The following DLGAP1 variants were observed in gnomAD, a reference collection of about 807,000 sequenced individuals.
The protein encoded by DLGAP1 is DLG associated protein 1, also known as disks large-associated protein 1.
Under a neutral mutation model 90.8 loss-of-function variants are expected in DLGAP1, and 11 were observed. That is an observed-to-expected ratio of 0.12 (90% CI 0.08 to 0.20). The LOEUF is 0.20. Ranked by LOEUF, DLGAP1 falls within the 10% of genes least tolerant of loss-of-function variation. The probability of loss-of-function intolerance (pLI) is 1.00; values close to 1 mark genes in which losing one functional copy is unlikely to be tolerated. For synonymous variants in DLGAP1, 558 were observed against 540.7 expected (o/e 1.03, Z -0.44); for missense variants, 1,050 against 1,333.8 (o/e 0.79, Z 3.31).
intron 7 of DLGAP1, among the ~76,000 whole-genome samples, chr18:3,715,522 T>C (rs1335747751): frequency 6.6e-6 from 1 of 152,220 alleles, no homozygotes; most frequent in Non-Finnish European, 1.5e-5. Flanking sequence ...TCAATATCAC[T>C]TTCTCTCTGA....
Position 3,499,490 on chromosome 18 carries a change from ACCT to A in DLGAP1, c.2725-99_2725-97del. 1 of 1,313,912 alleles carries A rather than the reference ACCT, an allele frequency of 7.6e-7. No individual in the cohort carries two copies. Among genetic ancestry groups the A allele is most frequent in the Non-Finnish European group, 1.0e-6 (1 of 954,108 alleles). 81.4% of individuals were successfully genotyped at this position (1,313,912 alleles called of 1,614,324 possible). On this transcript the variant is annotated intron_variant, in intron 12 of 12. Coordinates refer to ENST00000315677, the MANE Select transcript of DLGAP1 (RefSeq NM_004746.4). The surrounding 1 kb of genome is among the most constrained non-coding windows in gnomAD (Gnocchi z 6.4). ...CAGTAGTTAGAACACACAGTTTTTT[ACCT>A]AGGGGTGGTTAGTTCTGATCTGCAC... is the stretch of plus-strand genomic sequence containing the variant.
chr18:4,196,731 G>A (rs113362894), intron 1 of DLGAP1, among the ~76,000 whole-genome samples: 1 of 152,146 alleles, frequency 6.6e-6, no homozygotes, highest in African/African-American at 2.4e-5. Context: ...TTCTGGCTTT[G>A]TTATGTGTAT....
intron 1 of DLGAP1, among the ~76,000 whole-genome samples, chr18:4,321,185 T>A (rs2080677288): frequency 6.6e-6 from 1 of 152,196 alleles, no homozygotes; most frequent in Admixed American, 6.5e-5. Context: ...GCACCTAATG[T>A]TCACTGTAAA....
At chr18:4,439,175 C>G (rs1444433599) in intron 1 of DLGAP1, among the ~76,000 whole-genome samples, 2 of 152,204 alleles carry the variant, frequency 1.3e-5, no homozygotes, top group African/African-American at 2.4e-5. Flanking sequence ...TGGGTTTAAT[C>G]CTACCCATCC....
At chr18:3,576,239 G>A (rs1314724163) in intron 8 of DLGAP1, among the ~76,000 whole-genome samples, 1 of 151,414 alleles carries the variant, frequency 6.6e-6, no homozygotes, top group Non-Finnish European at 1.5e-5. Context: ...TGTGAAGGTA[G>A]CTATGGCTCC....
At chr18:3,984,679 C>T (rs916888001) in intron 3 of DLGAP1, among the ~76,000 whole-genome samples, 30 of 152,262 alleles carry the variant, frequency 2.0e-4, no homozygotes, top group Admixed American at 5.9e-4. Context: ...TTCTCTGCCT[C>T]GACCTTGGTT....
At chr18:3,589,853 G>A (rs1378555268) in intron 7 of DLGAP1, among the ~76,000 whole-genome samples, 1 of 152,144 alleles carries the variant, frequency 6.6e-6, no homozygotes, top group African/African-American at 2.4e-5. Flanking sequence ...TGAGGGCAAA[G>A]TTCTCCCGAT....
At chr18:3,964,567 C>T (rs750125287) in intron 3 of DLGAP1, among the ~76,000 whole-genome samples, 3 of 152,066 alleles carry the variant, frequency 2.0e-5, no homozygotes, top group Admixed American at 6.6e-5. Context: ...TAGGAGTTGT[C>T]GCTGCAGTGG....
At chr18:3,617,148 G>A (rs1282767202) in intron 7 of DLGAP1, among the ~76,000 whole-genome samples, 1 of 152,202 alleles carries the variant, frequency 6.6e-6, no homozygotes, top group Non-Finnish European at 1.5e-5. Flanking sequence ...AGACTGAGAA[G>A]TGATGAGATG....
At position 3,915,240 on chromosome 18, in the gene DLGAP1, T is replaced by C. The variant is rs73940293; in HGVS notation, c.-72-35100A>G. Among the ~76,000 whole-genome samples, 1,347 of 152,334 alleles carry C rather than the reference T, an allele frequency of 8.8e-3. 13 individuals are homozygous for C. The highest frequency in any genetic ancestry group is 0.028 in the South Asian group (136 of 4,826). ...TTTCCTTGCTCTGGAAACTATGGCT[T>C]CTTTTAATAAGAATTTTACTAGTTT... On this transcript the variant is annotated intron_variant, in intron 3 of 12. Coordinates refer to ENST00000315677, the MANE Select transcript of DLGAP1 (RefSeq NM_004746.4).
chr18:3,502,338 G>A (rs906320171), intron 12 of DLGAP1, 155 bp downstream of exon 12: 2 of 1,405,524 alleles, frequency 1.4e-6, no homozygotes, highest in African/African-American at 1.5e-5. Context: ...TATCCCAAAT[G>A]ATTACTATGT....
intron 1 of DLGAP1, among the ~76,000 whole-genome samples, chr18:4,160,204 A>G (rs1026100092): frequency 6.6e-6 from 1 of 152,268 alleles, no homozygotes; most frequent in African/African-American, 2.4e-5. Context: ...GCATTGGGAT[A>G]AACTGGAGAT....
intron 5 of DLGAP1, among the ~76,000 whole-genome samples, chr18:3,762,395 G>T (rs150926279): frequency 5.5e-4 from 84 of 152,328 alleles, no homozygotes; most frequent in Non-Finnish European, 7.4e-4. Flanking sequence ...TGTAAGTAGT[G>T]ACCTACATGC....
At chr18:3,826,129 G>A (rs1005189683) in intron 4 of DLGAP1, among the ~76,000 whole-genome samples, 3 of 152,150 alleles carry the variant, frequency 2.0e-5, no homozygotes, top group African/African-American at 7.2e-5. Context: ...CTCCAAAAGA[G>A]GGGATGGTGA....
intron 2 of DLGAP1, among the ~76,000 whole-genome samples, chr18:4,078,247 G>T (rs537236371): frequency 6.6e-5 from 10 of 152,148 alleles, no homozygotes; most frequent in Middle Eastern, 6.8e-3. Context: ...AATATTGAGA[G>T]ACTTAAGCAC....
At chr18:4,236,056 G>T (rs1473631) in intron 1 of DLGAP1, among the ~76,000 whole-genome samples, 22,578 of 152,026 alleles carry the variant, frequency 0.15, 3,243 homozygotes, top group African/African-American at 0.37. Flanking sequence ...TCATGTAGCA[G>T]GAACTTTAGG....
In DLGAP1 at chr18:3,879,152, G is replaced by A. The variant is rs749692651; in HGVS notation, c.917C>T (p.Ser306Phe). 2.6e-6 allele frequency: 4 copies of A among 1,509,646 alleles called. No individual in the cohort carries two copies. Among genetic ancestry groups the A allele is most frequent in the Non-Finnish European group, 3.5e-6 (4 of 1,128,912 alleles). 93.5% of individuals were successfully genotyped at this position (1,509,646 alleles called of 1,614,324 possible). A position where few individuals can be genotyped will look rare whatever the true frequency, so the allele number is the denominator to read the frequency against. ...SVNMDQAMVK[S>F]ESCQQERSCQ... ...GGAGCGTTCTTGCTGACACGACTCG[G>A]ACTTCACCATGGCCTGGTCCATGTT... The change falls in exon 4 of 13, where the codon TCC becomes TTC. Residue 306 changes from serine to phenylalanine, a missense_variant. Coordinates refer to ENST00000315677, the MANE Select transcript of DLGAP1 (RefSeq NM_004746.4). The surrounding 1 kb of genome is among the most constrained non-coding windows in gnomAD (Gnocchi z 6.6).
At chr18:3,626,235 G>A (rs747402036) in intron 7 of DLGAP1, among the ~76,000 whole-genome samples, 13 of 151,266 alleles carry the variant, frequency 8.6e-5, no homozygotes, top group Non-Finnish European at 1.8e-4. Flanking sequence ...AGGCTACAAT[G>A]AGTAGTGATC....
intron 1 of DLGAP1, among the ~76,000 whole-genome samples, chr18:4,396,677 G>A (rs2082449137): frequency 6.6e-6 from 1 of 152,116 alleles, no homozygotes; most frequent in African/African-American, 2.4e-5. Flanking sequence ...GGGCTTGGGT[G>A]ACCAAAAGAA....
Sources: gnomAD v4.1 joint callset for allele counts (sites outside exome capture counted in the v4.1 genomes callset) on GRCh38, gnomAD v4.1.1 for gene constraint, Gnocchi (gnomAD v3.1) non-coding constraint, MANE v1.5 for transcripts, NCBI Gene and HGNC (gene_info 2026-07-23, HGNC 2026-07-21) for gene names.